The following CABIN1 variants were observed in gnomAD, a reference collection of about 807,000 sequenced individuals.
CABIN1 encodes the protein calcineurin-binding protein cabin-1.
A neutral mutation model predicts 227.7 loss-of-function variants in CABIN1; 133 were observed. The ratio of observed to expected loss-of-function variants is 0.58; its 90% CI spans 0.51 to 0.67. The LOEUF (loss-of-function observed/expected upper bound fraction) is 0.67, where lower values mean the gene tolerates loss of function less well. Among genes scored for constraint, CABIN1 ranks in the 30% least tolerant of loss-of-function variants. CABIN1 has a pLI of 0.00. For missense variants in CABIN1, 2,408 were observed against 2,852.5 expected, an observed-to-expected ratio of 0.84 and a Z score of 3.55; for synonymous variants, 1,086 against 1,155.1, an observed-to-expected ratio of 0.94 and a Z score of 1.21.
At chr22:24,172,094 G>GC in intron 34 of CABIN1, 99 bp downstream of exon 34, 2 of 1,391,208 alleles carry the variant, frequency 1.4e-6, no homozygotes, top group South Asian at 1.3e-5. Flanking sequence ...GGCAAGCAGT[G>GC]CCCTCCCGCC....
At chr22:24,145,689 T>C (rs903680915) in intron 29 of CABIN1, among the ~76,000 whole-genome samples, 1 of 152,150 alleles carries the variant, frequency 6.6e-6, no homozygotes, top group Non-Finnish European at 1.5e-5. Flanking sequence ...TGTCCTCCAA[T>C]GGACAGGGCG....
Position 24,178,069 on chromosome 22 carries a change from C to T in CABIN1, c.6536C>T (p.Ala2179Val). The T allele has an allele frequency of 6.2e-7, 1 of 1,613,750 alleles. No homozygotes were observed. The highest frequency in any genetic ancestry group is 8.5e-7 in the Non-Finnish European group (1 of 1,179,970). Reference sequence around the variant, plus strand: ...TCTCCGCAGTCAGCCATCCTTTCTGCCCAGTCTGCTGCCAACGTGAGGAAG... The same window carrying T: ...TCTCCGCAGTCAGCCATCCTTTCTGTCCAGTCTGCTGCCAACGTGAGGAAG... ...KQKLKSAILS[A>V]QSAANVRKES... Residue 2179 changes from alanine (A) to valine (V), a missense_variant, in exon 37 of 37, where the codon GCC (alanine) becomes GTC (valine). Ala to Val is a moderately conservative substitution (Grantham distance 64). Transcript: ENST00000263119.
At chr22:24,175,486 G>C (rs1257198316) in intron 34 of CABIN1, among the ~76,000 whole-genome samples, 2 of 152,234 alleles carry the variant, frequency 1.3e-5, no homozygotes, top group Non-Finnish European at 2.9e-5. Flanking sequence ...TGAGAAGGTG[G>C]GGAGCAGCAA....
chr22:24,099,890 G>C (rs945877953), intron 26 of CABIN1, among the ~76,000 whole-genome samples: 11 of 152,316 alleles, frequency 7.2e-5, no homozygotes, highest in Admixed American at 7.2e-4. Context: ...TTAGGGTTGA[G>C]TATGCCTCTA....
intron 1 of CABIN1, among the ~76,000 whole-genome samples, chr22:24,019,588 A>G (rs540055941): frequency 7.3e-6 from 1 of 136,872 alleles, no homozygotes; most frequent in Admixed American, 7.3e-5. Context: ...TTTATCATTG[A>G]TTTTGGGGTT....
At chr22:24,100,617 A>T (rs887136375) in intron 26 of CABIN1, among the ~76,000 whole-genome samples, 2 of 152,330 alleles carry the variant, frequency 1.3e-5, no homozygotes, top group Non-Finnish European at 1.5e-5. Context: ...GCAGGCCACC[A>T]CTGAGCCCTT....
At chr22:24,033,562 C>T (rs1313399342) in intron 1 of CABIN1, among the ~76,000 whole-genome samples, 1 of 152,154 alleles carries the variant, frequency 6.6e-6, no homozygotes, top group Non-Finnish European at 1.5e-5. Flanking sequence ...TTCTGCCAGC[C>T]TCTCAGCTAG....
chr22:24,166,698 T>A lies in CABIN1; in HGVS notation c.5067T>A (p.Asp1689Glu). Residue 1689 changes from aspartate to glutamate, a missense_variant, in exon 32 of 37, where the codon GAT (aspartate) becomes GAA (glutamate). Physicochemically the swap from Asp to Glu is conservative, Grantham distance 45. Coordinates refer to ENST00000263119, the MANE Select transcript of CABIN1 (RefSeq NM_012295.4). ...CGLPGARMTTDVSHKASPEDG... is the reference protein window; with the variant it reads ...CGLPGARMTTEVSHKASPEDG... ...TCCCCGGAGCCAGGATGACCACCGA[T>A]GTCTCACACAAGGCCAGTCCTGAGG... The A allele has an allele frequency of 6.2e-7, 1 of 1,612,606 alleles. No individual in the cohort carries two copies. The highest frequency in any genetic ancestry group is 8.5e-7 in the Non-Finnish European group (1 of 1,179,936).
At chr22:24,096,155 G>A (rs2041881935) in intron 25 of CABIN1, 73 bp downstream of exon 25, 1 of 1,533,996 alleles carries the variant, frequency 6.5e-7, no homozygotes, top group Admixed American at 1.7e-5. Flanking sequence ...TTACTGCAAT[G>A]TGTTGTTCAG....
rs756613415 is a variant in CABIN1, at chr22:24,176,197, A to C, written c.6127A>C (p.Thr2043Pro). ...RHSPQVKMAP[T>P]SSPAEPHCWP... The stretch of plus-strand genomic sequence containing the variant: ...CAGTCCGCAGGTGAAGATGGCCCCC[A>C]CAAGTTCCCCGGCAGAGCCACACTG... Residue 2043 changes from threonine (T) to proline (P), a missense_variant, in exon 35 of 37, where the codon ACA becomes CCA. This residue lies in a region of CABIN1 where 714 missense variants were observed against 773.8 expected (regional missense o/e 0.92). Transcript: ENST00000263119. 6.2e-7 allele frequency: 1 copy of C among 1,611,014 alleles called. No homozygotes were observed. The highest frequency in any genetic ancestry group is 1.7e-5 in the Admixed American group (1 of 59,802).
At chr22:24,035,414 T>C in intron 1 of CABIN1, 30 bp from the exon 2 acceptor site, 1 of 1,484,888 alleles carries the variant, frequency 6.7e-7, no homozygotes, top group South Asian at 1.1e-5. Context: ...TTCATAGGCC[T>C]TGTCTCAGTT....
At chr22:24,077,376 G>A (rs1023098144) in intron 19 of CABIN1, among the ~76,000 whole-genome samples, 1 of 152,092 alleles carries the variant, frequency 6.6e-6, no homozygotes, top group Admixed American at 6.5e-5. Context: ...AATAAATATG[G>A]GTTAAAGGAG....
At chr22:24,041,940 A>G (rs942791349) in intron 5 of CABIN1, among the ~76,000 whole-genome samples, 1 of 152,206 alleles carries the variant, frequency 6.6e-6, no homozygotes, top group African/African-American at 2.4e-5. Flanking sequence ...CTTGAATCCC[A>G]TAAGACTCTC....
chr22:24,081,734 T>A (rs900436094), intron 19 of CABIN1, among the ~76,000 whole-genome samples: 1 of 152,160 alleles, frequency 6.6e-6, no homozygotes. Context: ...TTATTATTTT[T>A]AAAAATTTTG....
chr22:24,094,608 G>T (rs553924338), intron 24 of CABIN1, among the ~76,000 whole-genome samples: 1 of 151,628 alleles, frequency 6.6e-6, no homozygotes, highest in South Asian at 2.1e-4. Context: ...ATGAGGTCAG[G>T]AGATCGAGAC....
At chr22:24,134,867 C>T (rs572690504) in intron 29 of CABIN1, among the ~76,000 whole-genome samples, 5 of 152,132 alleles carry the variant, frequency 3.3e-5, no homozygotes, top group Non-Finnish European at 5.9e-5. Context: ...CATCTGAGGT[C>T]AGGAGTTCGA....
chr22:24,166,158 G>A (rs941167003), intron 31 of CABIN1, among the ~76,000 whole-genome samples: 2 of 152,224 alleles, frequency 1.3e-5, no homozygotes, highest in Non-Finnish European at 2.9e-5. Flanking sequence ...ACTTGAGGCT[G>A]TTGGGGAGGA....
chr22:24,033,459 C>A (rs888641807), intron 1 of CABIN1, among the ~76,000 whole-genome samples: 3 of 152,192 alleles, frequency 2.0e-5, no homozygotes, highest in Non-Finnish European at 4.4e-5. Context: ...TGTGTCCAGC[C>A]CCTAGCAGTT....
chr22:24,048,339 G>A (rs948512970), intron 6 of CABIN1, among the ~76,000 whole-genome samples: 1 of 152,110 alleles, frequency 6.6e-6, no homozygotes, highest in African/African-American at 2.4e-5. Context: ...GACCATCTAT[G>A]TAGTGGCTGC....
Sources: allele counts gnomAD v4.1 joint callset (sites outside exome capture counted in the v4.1 genomes callset), GRCh38; gene constraint gnomAD v4.1.1; regional missense constraint gnomAD v4.1.1; transcripts MANE v1.5; gene names NCBI Gene and HGNC (gene_info 2026-07-23, HGNC 2026-07-21).